The following POFUT3 variants were observed in gnomAD, a reference collection of about 807,000 sequenced individuals.
The protein encoded by POFUT3 is GDP-fucose protein O-fucosyltransferase 3.
chr8:33,371,488 G>T, the POFUT3 span: 1 of 152,176 alleles, frequency 6.6e-6, no homozygotes, highest in African/African-American at 2.4e-5. Context: ...GCTGCCTTCT[G>T]AGGCTTGTGG....
At chr8:33,381,240 GA>G in the POFUT3 span, among the ~76,000 whole-genome samples, 6 of 152,298 alleles carry the variant, frequency 3.9e-5, no homozygotes, top group Admixed American at 2.0e-4. Context: ...CCTTAAGACA[GA>G]TTGTCTGTTT....
chr8:33,327,003 C>CGA, the POFUT3 span, among the ~76,000 whole-genome samples: 1 of 151,982 alleles, frequency 6.6e-6, no homozygotes, highest in African/African-American at 2.4e-5. Flanking sequence ...GTCTTGAATG[C>CGA]CTGGCCTTAA....
At chr8:33,412,473 A>G in the POFUT3 span, among the ~76,000 whole-genome samples, 3 of 152,230 alleles carry the variant, frequency 2.0e-5, no homozygotes, top group African/African-American at 4.8e-5. Context: ...GGTACAGCAC[A>G]GGGAAATGCT....
At chr8:33,379,846 A>C in the POFUT3 span, among the ~76,000 whole-genome samples, 1 of 102,162 alleles carries the variant, frequency 9.8e-6, no homozygotes, top group East Asian at 2.6e-4. Flanking sequence ...AAAAAAAAAA[A>C]ATATATATAT....
chr8:33,457,820 C>A, the POFUT3 span, among the ~76,000 whole-genome samples: 1 of 152,020 alleles, frequency 6.6e-6, no homozygotes, highest in Non-Finnish European at 1.5e-5. Context: ...ACAGTTTATA[C>A]AAAATATAGT....
At chr8:33,394,125 C>T in the POFUT3 span, 15 of 171,416 alleles carry the variant, frequency 8.8e-5, no homozygotes, top group Admixed American at 1.9e-4. Context: ...GTTGAGGCTG[C>T]AGTGCACCGT....
the POFUT3 span, among the ~76,000 whole-genome samples, chr8:33,369,062 C>T: frequency 3.3e-5 from 5 of 152,306 alleles, no homozygotes; most frequent in East Asian, 7.7e-4. Context: ...CTATCATCAA[C>T]GATTCCCTTT....
chr8:33,397,532 G>A, the POFUT3 span, among the ~76,000 whole-genome samples: 1,548 of 152,252 alleles, frequency 0.01, 30 homozygotes, highest in African/African-American at 0.035. Context: ...AACAGTTTAA[G>A]GCACTGCCCT....
chr8:33,373,990 A>G, the POFUT3 span, among the ~76,000 whole-genome samples: 2 of 152,054 alleles, frequency 1.3e-5, no homozygotes, highest in Non-Finnish European at 2.9e-5. Context: ...GGGGTCCTCA[A>G]CTCCCGGGTC....
At chr8:33,336,940 T>C in the POFUT3 span, among the ~76,000 whole-genome samples, 2 of 152,134 alleles carry the variant, frequency 1.3e-5, no homozygotes, top group Admixed American at 1.3e-4. Context: ...AGGCTCCTGT[T>C]TGACAATAGG....
At chr8:33,374,067 T>C in the POFUT3 span, among the ~76,000 whole-genome samples, 2 of 152,200 alleles carry the variant, frequency 1.3e-5, no homozygotes, top group South Asian at 2.1e-4. Context: ...GCAGCATGCA[T>C]GTGAGCATTG....
At chr8:33,366,466 T>C in the POFUT3 span, among the ~76,000 whole-genome samples, 1 of 152,058 alleles carries the variant, frequency 6.6e-6, no homozygotes, top group African/African-American at 2.4e-5. Flanking sequence ...CTTGTAAAAA[T>C]TGCTGTCTCC....
At chr8:33,438,881 G>A in the POFUT3 span, among the ~76,000 whole-genome samples, 39 of 152,094 alleles carry the variant, frequency 2.6e-4, no homozygotes, top group Non-Finnish European at 4.4e-4. Context: ...GAACAGTCTG[G>A]GGGAAACCGC....
chr8:33,429,561 A>C, the POFUT3 span, among the ~76,000 whole-genome samples: 2 of 152,178 alleles, frequency 1.3e-5, no homozygotes, highest in Admixed American at 1.3e-4. Context: ...CATGGCAGAA[A>C]TGCATGAAGC....
the POFUT3 span, among the ~76,000 whole-genome samples, chr8:33,327,319 T>C: frequency 1.3e-5 from 2 of 152,214 alleles, no homozygotes; most frequent in Admixed American, 6.5e-5. Context: ...CTTATATATG[T>C]AGACTTCTGC....
chr8:33,412,075 A>G, the POFUT3 span, among the ~76,000 whole-genome samples: 7 of 152,216 alleles, frequency 4.6e-5, no homozygotes, highest in African/African-American at 1.4e-4. Flanking sequence ...CAGAATTAAC[A>G]TACGAACACT....
the POFUT3 span, among the ~76,000 whole-genome samples, chr8:33,376,511 G>A: frequency 6.6e-6 from 1 of 152,182 alleles, no homozygotes; most frequent in African/African-American, 2.4e-5. Flanking sequence ...AAGTGGAAGT[G>A]TGAATTAACT....
At chr8:33,444,945 T>TG in the POFUT3 span, among the ~76,000 whole-genome samples, 8 of 149,166 alleles carry the variant, frequency 5.4e-5, no homozygotes, top group African/African-American at 1.7e-4. Flanking sequence ...TTTTTTTTTT[T>TG]TTTTTTGAGA....
the POFUT3 span, among the ~76,000 whole-genome samples, chr8:33,420,318 T>C: frequency 6.6e-5 from 10 of 152,180 alleles, no homozygotes; most frequent in African/African-American, 2.2e-4. Flanking sequence ...GCTGGTTCTA[T>C]GTTGAGCAGT....
Sources: gnomAD v4.1 joint callset for allele counts (sites outside exome capture counted in the v4.1 genomes callset) on GRCh38, gnomAD v4.1.1 for gene constraint, MANE v1.5 for transcripts, NCBI Gene and HGNC (gene_info 2026-07-23, HGNC 2026-07-21) for gene names.